Variants in MYSM1 observed in about 807,000 individuals in gnomAD.
MYSM1 encodes Myb like, SWIRM and MPN domains 1.
In MYSM1, 51 loss-of-function variants were observed where a neutral mutation model predicts 116.0. The observed-to-expected ratio is 0.44, with a 90% CI of 0.35 to 0.56. The LOEUF is 0.56. Ranked by LOEUF, MYSM1 falls within the 20% of genes least tolerant of loss-of-function variation. The pLI, the probability that MYSM1 is intolerant of heterozygous loss-of-function variation, is 0.00. For synonymous variants in MYSM1, 313 were observed against 315.2 expected, an observed-to-expected ratio of 0.99 and a Z score of 0.07; for missense variants, 900 against 974.9, an observed-to-expected ratio of 0.92 and a Z score of 1.02.
chr1:58,670,081 C>T (rs1003968465), intron 12 of MYSM1, among the ~76,000 whole-genome samples: 4 of 152,158 alleles, frequency 2.6e-5, no homozygotes, highest in Admixed American at 6.5e-5. Context: ...CATTTCCATT[C>T]AACCATAGAT....
At chr1:58,698,855 T>C (rs11207295) in intron 1 of MYSM1, among the ~76,000 whole-genome samples, 34,235 of 152,166 alleles carry the variant, frequency 0.22, 4,629 homozygotes, top group Middle Eastern at 0.35. Context: ...CTCACGTCTT[T>C]ATAGGGCTTT....
chr1:58,668,939 G>GA, intron 13 of MYSM1, 45 bp downstream of exon 13: 2 of 1,446,876 alleles, frequency 1.4e-6, no homozygotes, highest in Admixed American at 1.9e-5. Flanking sequence ...GTTTGACGGG[G>GA]AAGCGGGGAT....
At chr1:58,677,414 T>C (rs946586246) in intron 8 of MYSM1, among the ~76,000 whole-genome samples, 3 of 152,154 alleles carry the variant, frequency 2.0e-5, no homozygotes, top group Admixed American at 6.5e-5. Context: ...GATTTAGTAT[T>C]AGACGTTTCC....
At chr1:58,680,852 C>T (rs1400213683) in intron 8 of MYSM1, among the ~76,000 whole-genome samples, 7 of 149,076 alleles carry the variant, frequency 4.7e-5, no homozygotes, top group African/African-American at 1.2e-4. Flanking sequence ...GATGAAGTCT[C>T]GCTCTGTCGC....
chr1:58,690,322 A>G lies in MYSM1; in HGVS notation c.296+18T>C. 6.3e-7 allele frequency: 1 copy of G among 1,591,866 alleles called. No homozygotes were observed. The highest frequency in any genetic ancestry group is 8.5e-7 in the Non-Finnish European group (1 of 1,170,230). The stretch of plus-strand genomic sequence containing the variant: ...AACTACAATCCAGACTTTTAGAAAT[A>G]TTATAAATTGATTTTACCTCTTCAT... On this transcript the variant is annotated intron_variant, in intron 4 of 19. Coordinates refer to ENST00000472487, the MANE Select transcript of MYSM1 (RefSeq NM_001085487.3).
Position 58,655,413 on chromosome 1 carries a change from C to A in MYSM1, c.*4584G>T, listed in dbSNP as rs1319486962. 6.6e-6 allele frequency: 1 copy of A among 152,124 alleles called. No individual in the cohort carries two copies. Among genetic ancestry groups the A allele is most frequent in the Non-Finnish European group, 1.5e-5 (1 of 68,000 alleles). The allele number at this position is 152,124 out of a possible 1,614,324, so 9.4% of individuals were successfully genotyped here. On this transcript the variant is annotated 3_prime_UTR_variant, in exon 20 of 20. Coordinates refer to ENST00000472487, the MANE Select transcript of MYSM1 (RefSeq NM_001085487.3). The stretch of plus-strand genomic sequence containing the variant: ...CTCAGATACTACAACTTAATTTTTA[C>A]CTTCTCAAACTTCTGTTTAGAGCTC...
intron 3 of MYSM1, among the ~76,000 whole-genome samples, chr1:58,691,988 T>A (rs1305753660): frequency 6.6e-6 from 1 of 152,224 alleles, no homozygotes; most frequent in Non-Finnish European, 1.5e-5. Flanking sequence ...ATATTTTAGG[T>A]TATATAATAT....
At chr1:58,661,113 G>C in intron 19 of MYSM1, 57 bp downstream of exon 19, 1 of 1,282,674 alleles carries the variant, frequency 7.8e-7, no homozygotes. Context: ...AACACATTGA[G>C]ATGAATAGCT....
chr1:58,698,904 C>T (rs1645022660), intron 1 of MYSM1, among the ~76,000 whole-genome samples: 1 of 152,146 alleles, frequency 6.6e-6, no homozygotes, highest in African/African-American at 2.4e-5. Context: ...TATCTTAGTG[C>T]CTCAAGCGCT....
intron 9 of MYSM1, among the ~76,000 whole-genome samples, chr1:58,676,151 G>A (rs1041288261): frequency 8.5e-5 from 13 of 152,238 alleles, no homozygotes; most frequent in African/African-American, 3.1e-4. Flanking sequence ...AGGCGCGGTG[G>A]CTCACGCCTG....
At position 58,667,065 on chromosome 1, in the gene MYSM1, T is replaced by G; in HGVS notation, c.2004A>C (p.Arg668=). 6.2e-7 allele frequency: 1 copy of G among 1,611,628 alleles called. No individual in the cohort carries two copies. The highest frequency in any genetic ancestry group is 1.3e-5 in the African/African-American group (1 of 74,928). ...GGTATTTAGCTTGTGTGTCAATATC[T>G]CGTAAGGAAGGATTAGGATCAAAAG... ...HPAFDPNPSL[R]DIDTQAKYQS... Residue 668 remains arginine, a synonymous_variant, in exon 16 of 20, where the codon CGA becomes CGC. Transcript: ENST00000472487.
chr1:58,690,680 ATTTT>A (rs35937590), intron 3 of MYSM1, among the ~76,000 whole-genome samples: 1 of 137,772 alleles, frequency 7.3e-6, no homozygotes, highest in Admixed American at 7.2e-5. Flanking sequence ...TTATTTTGTG[ATTTT>A]TTTTTTTTTT....
chr1:58,695,161 C>T lies in MYSM1; in HGVS notation c.115G>A (p.Asp39Asn). 1 of 1,605,470 alleles carries T rather than the reference C, an allele frequency of 6.2e-7. No homozygotes were observed. Among genetic ancestry groups the T allele is most frequent in the Non-Finnish European group, 8.5e-7 (1 of 1,172,900 alleles). ...ASVLQKDHYL[D>N]SSWRTENGLI... Reference sequence around the variant, plus strand: ...CCATTCTCTGTTCTCCAAGATGAATCAAGATAGTGATCTTTTTGTAAAACT... The same window carrying T: ...CCATTCTCTGTTCTCCAAGATGAATTAAGATAGTGATCTTTTTGTAAAACT... Residue 39 changes from aspartate to asparagine, a missense_variant, in exon 2 of 20, where the codon GAT becomes AAT. Around this residue, in one of 3 missense-constraint regions of MYSM1, gnomAD observed 622 missense variants for 623.7 expected, o/e 1.00. Coordinates refer to ENST00000472487, the MANE Select transcript of MYSM1 (RefSeq NM_001085487.3).
intron 11 of MYSM1, among the ~76,000 whole-genome samples, chr1:58,673,213 ATG>A (rs1310343574): frequency 3.9e-5 from 4 of 101,994 alleles, no homozygotes; most frequent in African/African-American, 1.3e-4. Flanking sequence ...TTTAGAACAC[ATG>A]TGTGTCTAAT....
At position 58,692,854 on chromosome 1, in the gene MYSM1, AGGATACTCT is replaced by A; in HGVS notation, c.216_218+6del. 1 of 1,598,710 alleles carries A rather than the reference AGGATACTCT, an allele frequency of 6.3e-7. No homozygotes were observed. ...CCTGTACTTTCCTCATAATCATTAA[AGGATACTCT>A]TCTTCCAACAACATTTTCTCAATAA... On this transcript the variant is annotated splice_donor_variant and splice_donor_5th_base_variant and coding_sequence_variant and intron_variant, in exon 3 of 20. Transcript: ENST00000472487. LOFTEE classifies it high-confidence loss of function.
intron 10 of MYSM1, among the ~76,000 whole-genome samples, chr1:58,674,194 T>A (rs952253872): frequency 2.5e-4 from 38 of 152,104 alleles, no homozygotes; most frequent in African/African-American, 8.9e-4. Flanking sequence ...AAAAGAACCA[T>A]CAAGAAAATG....
Position 58,667,227 on chromosome 1 carries a change from C to A in MYSM1, c.1843-1G>T. 3 of 1,528,512 alleles carry A rather than the reference C, an allele frequency of 2.0e-6. No individual in the cohort carries two copies. The highest frequency in any genetic ancestry group is 1.3e-5 in the South Asian group (1 of 76,672). 94.7% of individuals were successfully genotyped at this position (1,528,512 alleles called of 1,614,324 possible). ...TGTTACATGGTTCTGCTGCACAGAC[C>A]TATAAACGATTGATCCTCAAATGAT... On this transcript the variant is annotated splice_acceptor_variant, in intron 15 of 19. Transcript: ENST00000472487. LOFTEE classifies it high-confidence loss of function.
At chr1:58,685,326 A>C in intron 6 of MYSM1, 75 bp from the exon 7 acceptor site, 3 of 70,396 alleles carry the variant, frequency 4.3e-5, no homozygotes, top group South Asian at 2.6e-4. Context: ...CTACCACATT[A>C]AAAAAAAAAA....
chr1:58,692,715 G>T, intron 3 of MYSM1, 146 bp downstream of exon 3: 1 of 540,486 alleles, frequency 1.9e-6, no homozygotes, highest in Non-Finnish European at 3.2e-6. Context: ...GCTGCTTTTT[G>T]CATACATAGG....
Sources: allele counts gnomAD v4.1 joint callset (sites outside exome capture counted in the v4.1 genomes callset), GRCh38; gene constraint gnomAD v4.1.1; regional missense constraint gnomAD v4.1.1; transcripts MANE v1.5; gene names NCBI Gene and HGNC (gene_info 2026-07-23, HGNC 2026-07-21).